Variants in GLG1 observed in about 807,000 individuals in gnomAD.
GLG1 encodes the protein golgi glycoprotein 1.
GLG1 carries 38 observed loss-of-function variants against 160.5 expected under a neutral mutation model. That is an observed-to-expected ratio of 0.24 (90% CI 0.18 to 0.31). GLG1 has a LOEUF of 0.31. Among genes scored for constraint, GLG1 ranks in the 10% least tolerant of loss-of-function variants. GLG1 has a pLI of 1.00. For missense variants in GLG1, 1,373 were observed against 1,505.2 expected, an observed-to-expected ratio of 0.91 and a Z score of 1.45; for synonymous variants, 644 against 543.4, an observed-to-expected ratio of 1.19 and a Z score of -2.57.
chr16:74,527,086 T>C (rs890148642), intron 2 of GLG1, among the ~76,000 whole-genome samples: 8 of 152,156 alleles, frequency 5.3e-5, no homozygotes, highest in Non-Finnish European at 8.8e-5. Flanking sequence ...ACAGTCGAAA[T>C]TGAATTGATA....
chr16:74,498,161 G>A (rs1032906896), intron 4 of GLG1, among the ~76,000 whole-genome samples: 3 of 151,762 alleles, frequency 2.0e-5, no homozygotes, highest in Non-Finnish European at 4.4e-5. Context: ...AGCCCGGCAC[G>A]ATGGCTCATG....
intron 2 of GLG1, among the ~76,000 whole-genome samples, chr16:74,530,587 G>C (rs2143602971): frequency 6.6e-6 from 1 of 151,892 alleles, no homozygotes; most frequent in African/African-American, 2.4e-5. Context: ...CTATGGGCTA[G>C]AGAATGCTTA....
intron 2 of GLG1, among the ~76,000 whole-genome samples, chr16:74,524,432 T>C (rs900671776): frequency 2.0e-5 from 3 of 152,154 alleles, no homozygotes; most frequent in East Asian, 3.9e-4. Flanking sequence ...TTAAATAAAT[T>C]CCCTTCTAGG....
In GLG1 at chr16:74,542,719, A is replaced by AAGGG. The variant is rs2017914748; in HGVS notation, c.439-10567_439-10566insCCCT. 1.0e-4 allele frequency among the ~76,000 whole-genome samples: 3 copies of AAGGG among 29,018 alleles called. 1 individual carries two copies. The highest frequency in any genetic ancestry group is 5.9e-3 in the East Asian group (2 of 338). 19.0% of individuals were successfully genotyped at this position (29,018 alleles called of 152,430 possible). On this transcript the variant is annotated intron_variant, in intron 1 of 25. Coordinates refer to ENST00000422840, the MANE Select transcript of GLG1 (RefSeq NM_001145667.2). ...GAGGGAGGGAGGAAGGGAAGAAGGG[A>AAGGG]AGGAAGGAAGGAAGGGAGGAAGGAA... is the stretch of plus-strand genomic sequence containing the variant.
At chr16:74,542,719 A>AGGG (rs1567513862) in intron 1 of GLG1, among the ~76,000 whole-genome samples, 1,907 of 28,984 alleles carry the variant, frequency 0.066, 235 homozygotes, top group African/African-American at 0.14. Flanking sequence ...GGAAGAAGGG[A>AGGG]AGGAAGGAAG....
intron 1 of GLG1, among the ~76,000 whole-genome samples, chr16:74,567,609 C>A (rs1203944695): frequency 3.2e-5 from 4 of 126,306 alleles, no homozygotes; most frequent in Admixed American, 1.0e-4. Context: ...TCGCCCAGGT[C>A]GGACTGCGGA....
At chr16:74,499,884 T>C (rs951336915) in intron 4 of GLG1, among the ~76,000 whole-genome samples, 1 of 152,072 alleles carries the variant, frequency 6.6e-6, no homozygotes, top group African/African-American at 2.4e-5. Flanking sequence ...GCACCTGTAG[T>C]CCCAGCCACT....
chr16:74,592,832 A>G (rs1428373854), intron 1 of GLG1, among the ~76,000 whole-genome samples: 1 of 152,110 alleles, frequency 6.6e-6, no homozygotes, highest in African/African-American at 2.4e-5. Context: ...AATGGCTGCT[A>G]TCGTTTGAAT....
chr16:74,531,125 A>C (rs1597315766), intron 2 of GLG1, among the ~76,000 whole-genome samples: 1 of 152,210 alleles, frequency 6.6e-6, no homozygotes, highest in Admixed American at 6.5e-5. Context: ...CTTCCCTCTA[A>C]TCTTCTAGTA....
rs375898052 is a variant in GLG1 at position 74,469,198 on chromosome 16, G to A, written c.2319-135C>T. 4 of 646,062 alleles carry A rather than the reference G, an allele frequency of 6.2e-6. No individual in the cohort carries two copies. The African/African-American group carries it at 7.3e-5, about 12-fold the overall frequency. The allele number at this position is 646,062 out of a possible 1,614,324, so 40.0% of individuals were successfully genotyped here. A position where few individuals can be genotyped will look rare whatever the true frequency, so the allele number is the denominator to read the frequency against. On this transcript the variant is annotated intron_variant, in intron 16 of 25. Transcript: ENST00000422840. The stretch of plus-strand genomic sequence containing the variant: ...GAATGTCTTTCCTGTAAGGCTCACT[G>A]TATTTTTTTTCAGGGTGCTAAAAGC...
At chr16:74,547,617 G>A (rs1483525490) in intron 1 of GLG1, among the ~76,000 whole-genome samples, 1 of 152,224 alleles carries the variant, frequency 6.6e-6, no homozygotes, top group Non-Finnish European at 1.5e-5. Context: ...ATCATTAATT[G>A]CATGAAAATG....
intron 1 of GLG1, among the ~76,000 whole-genome samples, chr16:74,606,263 T>C (rs1958563159): frequency 6.6e-6 from 1 of 152,238 alleles, no homozygotes; most frequent in African/African-American, 2.4e-5. Flanking sequence ...AGGCATTTTT[T>C]TATGTTTAAA....
chr16:74,571,328 CAA>C (rs1269240572), intron 1 of GLG1, among the ~76,000 whole-genome samples: 1 of 152,072 alleles, frequency 6.6e-6, no homozygotes, highest in Non-Finnish European at 1.5e-5. Context: ...GAGTACTGCC[CAA>C]AAATCTGACC....
At chr16:74,537,668 C>T (rs546897818) in intron 1 of GLG1, among the ~76,000 whole-genome samples, 3 of 144,720 alleles carry the variant, frequency 2.1e-5, no homozygotes, top group African/African-American at 7.8e-5. Context: ...ACATTGGTTG[C>T]GGTTCTTTCC....
intron 10 of GLG1, among the ~76,000 whole-genome samples, chr16:74,480,978 G>A (rs1597248543): frequency 6.6e-6 from 1 of 152,156 alleles, no homozygotes; most frequent in South Asian, 2.1e-4. Context: ...AGATATCTTG[G>A]CTTTGTTAGA....
chr16:74,508,971 A>AACAGT (rs772819715), intron 2 of GLG1, 46 bp from the exon 3 acceptor site: 148 of 801,458 alleles, frequency 1.8e-4, no homozygotes, highest in Non-Finnish European at 5.8e-5. Flanking sequence ...CTCCAGTTAG[A>AACAGT]ACAGTACGAA....
At chr16:74,492,616 C>T (rs868155957) in intron 7 of GLG1, among the ~76,000 whole-genome samples, 2 of 151,474 alleles carry the variant, frequency 1.3e-5, no homozygotes, top group African/African-American at 2.4e-5. Context: ...TTTGGGAGTT[C>T]GAGACCAGCC....
At chr16:74,574,056 C>A (rs982335286) in intron 1 of GLG1, among the ~76,000 whole-genome samples, 1 of 152,134 alleles carries the variant, frequency 6.6e-6, no homozygotes, top group Non-Finnish European at 1.5e-5. Context: ...AAGCAACATG[C>A]GTGTGCACGC....
At chr16:74,511,821 T>A (rs1444874014) in intron 2 of GLG1, among the ~76,000 whole-genome samples, 1 of 152,196 alleles carries the variant, frequency 6.6e-6, no homozygotes, top group African/African-American at 2.4e-5. Flanking sequence ...ACCTTTTAAT[T>A]TGAAAACTTA....
Sources: allele counts gnomAD v4.1 joint callset (sites outside exome capture counted in the v4.1 genomes callset), GRCh38; gene constraint gnomAD v4.1.1; transcripts MANE v1.5; gene names NCBI Gene and HGNC (gene_info 2026-07-23, HGNC 2026-07-21).